SBNO2: variants seen among roughly 807,000 people sequenced by gnomAD.
The protein encoded by SBNO2 is protein strawberry notch homolog 2.
A neutral mutation model predicts 146.3 loss-of-function variants in SBNO2; 89 were observed. That is an observed-to-expected ratio of 0.61 (90% confidence interval 0.51 to 0.73). The LOEUF (loss-of-function observed/expected upper bound fraction) is 0.73. Among genes scored for constraint, SBNO2 ranks in the 30% least tolerant of loss-of-function variants. The probability of loss-of-function intolerance (pLI) is 0.00; values close to 1 mark genes in which losing one functional copy is unlikely to be tolerated. For synonymous variants in SBNO2, 1,147 were observed against 892.6 expected, an observed-to-expected ratio of 1.29 and a Z score of -5.08; for missense variants, 2,092 against 2,003.7, an observed-to-expected ratio of 1.04 and a Z score of -0.84.
rs2080121953 is a variant in SBNO2 at position 1,140,201 on chromosome 19, G to A, written c.279+7108C>T. Among the ~76,000 whole-genome samples the A allele has an allele frequency of 6.6e-6, 1 of 151,920 alleles. No homozygotes were observed. The highest frequency in any genetic ancestry group is 1.5e-5 in the Non-Finnish European group (1 of 67,986). On this transcript the variant is annotated intron_variant, in intron 4 of 31. Coordinates refer to ENST00000361757, the MANE Select transcript of SBNO2 (RefSeq NM_014963.3). This position sits in a 1 kb window ranked among gnomAD's most constrained non-coding sequence, Gnocchi z 4.4. ...TGTAGTCCCAGCTACTCGGGAGGCTGAGGCGGGAGAATGGCATGAACCCAG... is the reference window on the plus strand; with the variant it reads ...TGTAGTCCCAGCTACTCGGGAGGCTAAGGCGGGAGAATGGCATGAACCCAG...
chr19:1,163,674 C>T (rs2080372249), intron 1 of SBNO2, among the ~76,000 whole-genome samples: 1 of 152,250 alleles, frequency 6.6e-6, no homozygotes, highest in African/African-American at 2.4e-5. Flanking sequence ...AGCTTGGACC[C>T]TGCCACGCGC....
chr19:1,119,677 CAG>C, intron 12 of SBNO2, 56 bp from the exon 13 acceptor site: 2 of 1,439,936 alleles, frequency 1.4e-6, no homozygotes, highest in Non-Finnish European at 1.9e-6. Context: ...GAGGCCGCGT[CAG>C]GGGACGACTA....
intron 1 of SBNO2, among the ~76,000 whole-genome samples, chr19:1,172,778 G>GCCCCCCCCCCCCCCCCCACCC (rs201804891): frequency 2.8e-5 from 1 of 36,302 alleles, no homozygotes; most frequent in Non-Finnish European, 4.5e-5. Context: ...CACTGCAACC[G>GCCCCCCCCCCCCCCCCCACCC]CCCCCCCCGC....
rs2079881185 is a variant in SBNO2, at chr19:1,119,985, G to T, written c.1188C>A (p.Gly396=). The change falls in exon 12 of 32, where the codon GGC becomes GGA. Residue 396 remains glycine, a synonymous_variant. Transcript: ENST00000361757. ...GCACAGCCTTGCCCATCTTGGTGGA[G>T]CCGGCATTCTTGGCTTTGTGACACT... The part of the protein sequence containing the change: ...FDECHKAKNA[G]STKMGKAVLD... 6.4e-7 allele frequency: 1 copy of T among 1,551,442 alleles called. No homozygotes were observed. Among genetic ancestry groups the T allele is most frequent in the Non-Finnish European group, 8.7e-7 (1 of 1,147,258 alleles).
chr19:1,136,997 T>C lies in SBNO2; in HGVS notation c.280-9232A>G, dbSNP rs28612843. Among the ~76,000 whole-genome samples, 673 of 150,762 alleles carry C rather than the reference T, an allele frequency of 4.5e-3. 4 individuals carry two copies. Among genetic ancestry groups the C allele is most frequent in the African/African-American group, 0.016 (638 of 41,006 alleles). On this transcript the variant is annotated intron_variant, in intron 4 of 31. Coordinates refer to ENST00000361757, the MANE Select transcript of SBNO2 (RefSeq NM_014963.3). This position sits in a 1 kb window ranked among gnomAD's most constrained non-coding sequence, Gnocchi z 4.2. ...GGGGGCAGCACCTGGGGAATGGGGA[T>C]GGGCTGTGGGTGCCGAGAGCCCCAG...
rs763587138 is a variant in SBNO2, at chr19:1,122,563, G to A, written c.915-5C>T. The A allele has an allele frequency of 1.4e-5, 21 of 1,533,742 alleles. No homozygotes were observed. The highest frequency in any genetic ancestry group is 7.3e-5 in the East Asian group (3 of 40,836). ...AGGTCGTTGGAGACGCTGAACCTGC[G>A]GGGTGGGGGCGTCAGGCGCGCCCAC... On this transcript the variant is annotated splice_region_variant and splice_polypyrimidine_tract_variant and intron_variant, in intron 9 of 31. Transcript: ENST00000361757.
intron 2 of SBNO2, among the ~76,000 whole-genome samples, chr19:1,153,717 T>C (rs528869611): frequency 6.6e-6 from 1 of 152,238 alleles, no homozygotes; most frequent in Non-Finnish European, 1.5e-5. Context: ...TTGGTATCTT[T>C]AGCAGAAGCG....
chr19:1,166,738 C>A (rs1242310324), intron 1 of SBNO2, among the ~76,000 whole-genome samples: 1 of 152,210 alleles, frequency 6.6e-6, no homozygotes, highest in Non-Finnish European at 1.5e-5. Flanking sequence ...TTCTCCTGAG[C>A]AGACGTTAAG....
chr19:1,136,794 T>G lies in SBNO2; in HGVS notation c.280-9029A>C, dbSNP rs1336473662. Reference sequence around the variant, plus strand: ...CTCCCTGCCTGAAAGCAGCCAGAGTTTGCAAAGCGCTTTTCTGAGCCGTGA... The same window carrying G: ...CTCCCTGCCTGAAAGCAGCCAGAGTGTGCAAAGCGCTTTTCTGAGCCGTGA... On this transcript the variant is annotated intron_variant, in intron 4 of 31. Coordinates refer to ENST00000361757, the MANE Select transcript of SBNO2 (RefSeq NM_014963.3). The surrounding 1 kb of genome is among the most constrained non-coding windows in gnomAD (Gnocchi z 4.2). Among the ~76,000 whole-genome samples, 1 of 152,146 alleles carries G rather than the reference T, an allele frequency of 6.6e-6. No homozygotes were observed. The highest frequency in any genetic ancestry group is 1.5e-5 in the Non-Finnish European group (1 of 68,022).
chr19:1,169,377 CGCTGCCAT>C (rs2080456558), intron 1 of SBNO2, among the ~76,000 whole-genome samples: 3 of 152,224 alleles, frequency 2.0e-5, no homozygotes, highest in Admixed American at 6.5e-5. Flanking sequence ...TTCAGGGCCA[CGCTGCCAT>C]GCTGAGCTCT....
At position 1,140,927 on chromosome 19, in the gene SBNO2, C is replaced by T. The variant is rs914077757; in HGVS notation, c.279+6382G>A. ...GTCCACGCCGCACTGTACATGGTGC[C>T]GTCTGAGGGATTCCTCCATCCAGTC... On this transcript the variant is annotated intron_variant, in intron 4 of 31. Transcript: ENST00000361757. The surrounding 1 kb of genome is among the most constrained non-coding windows in gnomAD (Gnocchi z 4.4). Among the ~76,000 whole-genome samples, 12 of 152,150 alleles carry T rather than the reference C, an allele frequency of 7.9e-5. No individual in the cohort carries two copies. The highest frequency in any genetic ancestry group is 3.9e-4 in the East Asian group (2 of 5,194).
chr19:1,164,004 G>A (rs556843255), intron 1 of SBNO2, among the ~76,000 whole-genome samples: 10 of 152,308 alleles, frequency 6.6e-5, no homozygotes, highest in East Asian at 3.9e-4. Flanking sequence ...GGAACCCAGC[G>A]CCCAGGAAGC....
At chr19:1,151,979 A>G (rs1232302993) in intron 2 of SBNO2, among the ~76,000 whole-genome samples, 2 of 151,826 alleles carry the variant, frequency 1.3e-5, no homozygotes, top group Non-Finnish European at 2.9e-5. Context: ...TTTTATTTCT[A>G]ATTGAATACT....
chr19:1,120,595 T>C (rs899990249), intron 11 of SBNO2, among the ~76,000 whole-genome samples: 1 of 152,098 alleles, frequency 6.6e-6, no homozygotes, highest in African/African-American at 2.4e-5. Context: ...AATCTCAAAC[T>C]CCTGACCTCA....
Position 1,117,515 on chromosome 19 carries a change from A to C in SBNO2, c.1528-16T>G. 1 of 1,563,892 alleles carries C rather than the reference A, an allele frequency of 6.4e-7. No individual in the cohort carries two copies. The highest frequency in any genetic ancestry group is 8.7e-7 in the Non-Finnish European group (1 of 1,155,590). On this transcript the variant is annotated splice_polypyrimidine_tract_variant and intron_variant, in intron 14 of 31. Coordinates refer to ENST00000361757, the MANE Select transcript of SBNO2 (RefSeq NM_014963.3). ...CCTCGGCCCACTGCAATGACACGTC[A>C]CAAGGCGCCCCTGAGCTGTGGCTCC... is the stretch of plus-strand genomic sequence containing the variant.
At chr19:1,149,177 C>T (rs941589931) in intron 3 of SBNO2, among the ~76,000 whole-genome samples, 192 bp downstream of exon 3, 13 of 149,678 alleles carry the variant, frequency 8.7e-5, no homozygotes, top group South Asian at 4.3e-4. Context: ...CACAAAACAG[C>T]GTTCCACAAA....
chr19:1,146,550 C>A (rs965866642), intron 4 of SBNO2, among the ~76,000 whole-genome samples: 5 of 152,006 alleles, frequency 3.3e-5, no homozygotes, highest in African/African-American at 4.8e-5. Context: ...CCCTCGCTCC[C>A]CGGCAGGCCC....
chr19:1,133,455 C>T (rs894595811), intron 4 of SBNO2, among the ~76,000 whole-genome samples: 3 of 151,584 alleles, frequency 2.0e-5, no homozygotes, highest in South Asian at 4.2e-4. Flanking sequence ...TCCGCCCCCT[C>T]GGGCTCACCC....
chr19:1,160,111 G>A (rs2080330092), intron 1 of SBNO2, among the ~76,000 whole-genome samples: 2 of 152,200 alleles, frequency 1.3e-5, no homozygotes, highest in African/African-American at 4.8e-5. Context: ...TCTGGCTGTG[G>A]GTGCTGGTGG....
Sources: gnomAD v4.1 joint callset for allele counts (sites outside exome capture counted in the v4.1 genomes callset) on GRCh38, gnomAD v4.1.1 for gene constraint, Gnocchi (gnomAD v3.1) non-coding constraint, MANE v1.5 for transcripts, NCBI Gene and HGNC (gene_info 2026-07-23, HGNC 2026-07-21) for gene names.